The following CSGALNACT1 variants were observed in gnomAD, a reference collection of about 807,000 sequenced individuals.
CSGALNACT1 encodes beta4GalNAcT-1.
Under a neutral mutation model 51.0 loss-of-function variants are expected in CSGALNACT1, and 52 were observed. The observed-to-expected ratio is 1.02, with a 90% CI of 0.82 to 1.29. The LOEUF is 1.29. CSGALNACT1 is among the 50% of genes most tolerant of loss of function. The pLI, the probability that CSGALNACT1 is intolerant of heterozygous loss-of-function variation, is 0.00. For missense variants in CSGALNACT1, 935 were observed against 679.2 expected (o/e 1.38, Z -4.19); for synonymous variants, 341 against 254.4 (o/e 1.34, Z -3.24).
chr8:19,482,872 G>T (rs2071827409), intron 4 of CSGALNACT1, among the ~76,000 whole-genome samples: 1 of 152,096 alleles, frequency 6.6e-6, no homozygotes, highest in African/African-American at 2.4e-5. Flanking sequence ...CCCAGAGACA[G>T]CTCAAAGTCA....
At chr8:19,514,600 C>A (rs1221424603) in intron 3 of CSGALNACT1, among the ~76,000 whole-genome samples, 2 of 147,794 alleles carry the variant, frequency 1.4e-5, no homozygotes, top group Admixed American at 6.8e-5. Context: ...GTGGGCAGAT[C>A]CCTTGAGGTT....
intron 2 of CSGALNACT1, among the ~76,000 whole-genome samples, chr8:19,599,774 A>C (rs1331206872): frequency 1.3e-5 from 2 of 152,200 alleles, no homozygotes; most frequent in African/African-American, 4.8e-5. Flanking sequence ...CCTTACTTTT[A>C]TAGACTCAGG....
At chr8:19,678,059 T>C (rs2060324287) in intron 1 of CSGALNACT1, among the ~76,000 whole-genome samples, 1 of 151,942 alleles carries the variant, frequency 6.6e-6, no homozygotes, top group African/African-American at 2.4e-5. Flanking sequence ...GTGAGCAGAA[T>C]CGTGCCACTG....
At chr8:19,475,904 C>T (rs1312871806) in intron 4 of CSGALNACT1, among the ~76,000 whole-genome samples, 1 of 152,168 alleles carries the variant, frequency 6.6e-6, no homozygotes, top group Non-Finnish European at 1.5e-5. Context: ...TACTCTAAGA[C>T]TTTGGGCAAA....
At chr8:19,745,080 A>G (rs988168789) in intron 1 of CSGALNACT1, among the ~76,000 whole-genome samples, 1 of 152,250 alleles carries the variant, frequency 6.6e-6, no homozygotes, top group African/African-American at 2.4e-5. Flanking sequence ...TCAGCCTGTC[A>G]TAGTCGTCTG....
At chr8:19,631,631 T>G (rs552523051) in intron 1 of CSGALNACT1, among the ~76,000 whole-genome samples, 1 of 152,190 alleles carries the variant, frequency 6.6e-6, no homozygotes, top group African/African-American at 2.4e-5. Flanking sequence ...TACTTTGCAA[T>G]TGAAAAAGCC....
chr8:19,444,864 G>A (rs2061868858), intron 5 of CSGALNACT1, among the ~76,000 whole-genome samples: 1 of 152,138 alleles, frequency 6.6e-6, no homozygotes, highest in African/African-American at 2.4e-5. Context: ...GAATGGCTGG[G>A]GTCAGTGAAG....
intron 3 of CSGALNACT1, among the ~76,000 whole-genome samples, chr8:19,543,029 C>T (rs1411588039): frequency 6.6e-6 from 1 of 152,094 alleles, no homozygotes; most frequent in Non-Finnish European, 1.5e-5. Context: ...TGTATGAAAC[C>T]TAAGTCATAA....
rs935726106 is a variant in CSGALNACT1, at chr8:19,722,705, C to T, written c.-297+35145G>A. On this transcript the variant is annotated intron_variant, in intron 1 of 1. Transcript: ENST00000517494. Reference sequence around the variant, plus strand: ...TGGATGGGCACTGGCCTTGCACTCTCACCGAGGGCAGGGTCATCCCTCGGA... The same window carrying T: ...TGGATGGGCACTGGCCTTGCACTCTTACCGAGGGCAGGGTCATCCCTCGGA... Among the ~76,000 whole-genome samples the T allele has an allele frequency of 3.9e-5, 6 of 152,312 alleles. No homozygotes were observed. In the South Asian group the frequency reaches 8.3e-4, roughly 21 times the overall value.
chr8:19,608,578 C>T (rs1008071655), intron 1 of CSGALNACT1, among the ~76,000 whole-genome samples: 5 of 152,232 alleles, frequency 3.3e-5, no homozygotes, highest in African/African-American at 1.2e-4. Context: ...ATTACTGGCT[C>T]AGTTTTTAAA....
chr8:19,541,416 A>C (rs113849845), intron 3 of CSGALNACT1, among the ~76,000 whole-genome samples: 2,174 of 151,128 alleles, frequency 0.014, 52 homozygotes, highest in African/African-American at 0.05. Flanking sequence ...ACACCCGGCT[A>C]ATTTTTTTTG....
At chr8:19,518,413 A>C (rs947509148) in intron 3 of CSGALNACT1, among the ~76,000 whole-genome samples, 1 of 152,152 alleles carries the variant, frequency 6.6e-6, no homozygotes, top group Non-Finnish European at 1.5e-5. Context: ...AAATGGCACC[A>C]ATCAACTGGA....
chr8:19,707,983 G>C (rs143580375), intron 1 of CSGALNACT1, among the ~76,000 whole-genome samples: 1 of 152,140 alleles, frequency 6.6e-6, no homozygotes, highest in South Asian at 2.1e-4. Context: ...ACTCCAGCCT[G>C]GGTGACGGAG....
At chr8:19,632,491 A>C (rs1188265186) in intron 1 of CSGALNACT1, among the ~76,000 whole-genome samples, 1 of 152,270 alleles carries the variant, frequency 6.6e-6, no homozygotes, top group Non-Finnish European at 1.5e-5. Flanking sequence ...AGCATTCGTC[A>C]GAAATAAGCA....
At chr8:19,729,522 G>A (rs2063574296) in intron 1 of CSGALNACT1, among the ~76,000 whole-genome samples, 2 of 152,118 alleles carry the variant, frequency 1.3e-5, no homozygotes, top group Admixed American at 6.5e-5. Flanking sequence ...GGACAACCTG[G>A]GATGCTGTAG....
intron 1 of CSGALNACT1, among the ~76,000 whole-genome samples, chr8:19,614,910 G>A (rs546018746): frequency 1.2e-4 from 19 of 152,198 alleles, no homozygotes; most frequent in Non-Finnish European, 2.5e-4. Context: ...GACAGGATGT[G>A]TAACAGAGAA....
intron 1 of CSGALNACT1, among the ~76,000 whole-genome samples, chr8:19,610,037 G>C (rs1193126966): frequency 1.3e-5 from 2 of 151,886 alleles, no homozygotes; most frequent in Non-Finnish European, 2.9e-5. Context: ...GCCTGGCTAA[G>C]ATGGTGAAAC....
intron 1 of CSGALNACT1, among the ~76,000 whole-genome samples, chr8:19,636,365 T>C (rs2056066283): frequency 6.6e-6 from 1 of 152,200 alleles, no homozygotes; most frequent in Admixed American, 6.5e-5. Context: ...TTTGGGACTA[T>C]CTGTGGCTTC....
chr8:19,521,466 T>A (rs2080686213), intron 3 of CSGALNACT1, among the ~76,000 whole-genome samples: 2 of 152,188 alleles, frequency 1.3e-5, no homozygotes, highest in Admixed American at 6.5e-5. Flanking sequence ...GTACATCACT[T>A]GAGGTCAGGA....
Sources: gnomAD v4.1 joint callset for allele counts (sites outside exome capture counted in the v4.1 genomes callset) on GRCh38, gnomAD v4.1.1 for gene constraint, MANE v1.5 for transcripts, NCBI Gene and HGNC (gene_info 2026-07-23, HGNC 2026-07-21) for gene names.